Variants in PATL1 observed in about 807,000 individuals in gnomAD.
PATL1 encodes the protein protein PAT1 homolog 1.
In PATL1, 32 loss-of-function variants were observed where a neutral mutation model predicts 100.6. The ratio of observed to expected loss-of-function variants is 0.32; its 90% CI spans 0.24 to 0.43. The LOEUF (loss-of-function observed/expected upper bound fraction) is 0.43, where lower values mean the gene tolerates loss of function less well. PATL1 is among the 20% of genes least tolerant of loss of function. The pLI is 1.00. For missense variants in PATL1, 747 were observed against 949.9 expected (o/e 0.79, Z 2.81); for synonymous variants, 332 against 330.0 (o/e 1.01, Z -0.07).
chr11:59,638,233 C>T lies in PATL1; in HGVS notation c.*157G>A. ...CATAGAGCAGTGGGGAAATATCTGA[C>T]ATTTAGAGAGACAACCCCTGTAAAC... On this transcript the variant is annotated 3_prime_UTR_variant, in exon 19 of 19. Transcript: ENST00000300146. 1.4e-6 allele frequency: 1 copy of T among 717,012 alleles called. No individual in the cohort carries two copies. The highest frequency in any genetic ancestry group is 1.8e-5 in the African/African-American group (1 of 56,288). The allele number at this position is 717,012 out of a possible 1,614,324, so 44.4% of individuals were successfully genotyped here. A position where few individuals can be genotyped will look rare whatever the true frequency, so the allele number is the denominator to read the frequency against.
At position 59,649,557 on chromosome 11, in the gene PATL1, A is replaced by G; in HGVS notation, c.1638T>C (p.Ser546=). The G allele has an allele frequency of 1.9e-6, 3 of 1,613,640 alleles. No individual in the cohort carries two copies. Among genetic ancestry groups the G allele is most frequent in the Non-Finnish European group, 2.5e-6 (3 of 1,179,748 alleles). Residue 546 remains serine (S), a synonymous_variant, in exon 14 of 19, where the codon AGT becomes AGC. Transcript: ENST00000300146. The stretch of plus-strand genomic sequence containing the variant: ...TTAGGGCAGGTCGCTCTTCTTCCAG[A>G]CTTAGGAGATAACGTCTTTCATAGT... ...VEDYERRYLL[S]LEEERPALMD...
intron 5 of PATL1, 31 bp downstream of exon 5, chr11:59,657,499 C>T: frequency 1.3e-6 from 2 of 1,527,930 alleles, no homozygotes; most frequent in Non-Finnish European, 1.8e-6. Context: ...TTCCCAATAT[C>T]CTGGGCTGTG....
chr11:59,668,898 T>C lies in PATL1; in HGVS notation c.-3A>G. 3.2e-6 allele frequency: 3 copies of C among 945,650 alleles called. No individual in the cohort carries two copies. The highest frequency in any genetic ancestry group is 4.4e-6 in the Non-Finnish European group (3 of 684,192). The allele number at this position is 945,650 out of a possible 1,614,324, so 58.6% of individuals were successfully genotyped here. Reference sequence around the variant, plus strand: ...CAGCTCACCTCGTAGCGGAACATTCTTGGGGAGGGGGGCAGGGAGCGGGGA... The same window carrying C: ...CAGCTCACCTCGTAGCGGAACATTCCTGGGGAGGGGGGCAGGGAGCGGGGA... On this transcript the variant is annotated 5_prime_UTR_variant, in exon 1 of 19. Transcript: ENST00000300146.
chr11:59,666,994 C>G (rs1170631385), intron 1 of PATL1, 30 bp from the exon 2 acceptor site: 1 of 1,529,822 alleles, frequency 6.5e-7, no homozygotes. Context: ...ATTAGTTATT[C>G]ATGAAATTCA....
In PATL1 at chr11:59,643,049, A is replaced by G. The variant is rs774426212; in HGVS notation, c.1894-14T>C. Reference sequence around the variant, plus strand: ...GCATGGCAGCACCTACAAAAAACAAATAAAAGCATTATATCCTGGCACGTG... The same window carrying G: ...GCATGGCAGCACCTACAAAAAACAAGTAAAAGCATTATATCCTGGCACGTG... On this transcript the variant is annotated splice_polypyrimidine_tract_variant and intron_variant, in intron 15 of 18. Transcript: ENST00000300146. The G allele has an allele frequency of 1.9e-6, 3 of 1,613,144 alleles. No homozygotes were observed. In the South Asian group the frequency reaches 3.3e-5, roughly 18 times the overall value.
chr11:59,666,812 A>G (rs1311826166), intron 2 of PATL1, 41 bp downstream of exon 2: 2 of 1,534,794 alleles, frequency 1.3e-6, no homozygotes, highest in Admixed American at 4.1e-5. Context: ...TGAAAAGAGC[A>G]GGAGGCTAAG....
intron 4 of PATL1, among the ~76,000 whole-genome samples, chr11:59,658,437 C>T (rs1320641606): frequency 1.3e-5 from 2 of 152,094 alleles, no homozygotes; most frequent in Non-Finnish European, 2.9e-5. Flanking sequence ...ATTCTCCTGC[C>T]TCAGCCTCCT....
chr11:59,668,193 G>A (rs1042654376), intron 1 of PATL1, among the ~76,000 whole-genome samples: 1 of 152,324 alleles, frequency 6.6e-6, no homozygotes, highest in Admixed American at 6.5e-5. Flanking sequence ...AATTCAGAAA[G>A]TTTACGTCCA....
chr11:59,667,064 G>T, intron 1 of PATL1, 100 bp from the exon 2 acceptor site: 10 of 1,435,856 alleles, frequency 7.0e-6, no homozygotes, highest in South Asian at 3.0e-5. Flanking sequence ...GAACATAATT[G>T]CTTCATTATG....
At chr11:59,650,127 G>GAAAAAAAAAAAA (rs755879524) in intron 13 of PATL1, among the ~76,000 whole-genome samples, 2 of 61,624 alleles carry the variant, frequency 3.2e-5, no homozygotes, top group African/African-American at 6.2e-5. Context: ...ATCTCAAAAG[G>GAAAAAAAAAAAA]AAAAAAAAAA....
chr11:59,646,605 C>T (rs1019550924), intron 15 of PATL1, among the ~76,000 whole-genome samples: 1 of 152,138 alleles, frequency 6.6e-6, no homozygotes, highest in South Asian at 2.1e-4. Context: ...AATAATTTCC[C>T]TTTCATAGCA....
rs545829494 is a variant in PATL1, at chr11:59,654,510, A to C, written c.1032-438T>G. On this transcript the variant is annotated intron_variant, in intron 8 of 18. Coordinates refer to ENST00000300146, the MANE Select transcript of PATL1 (RefSeq NM_152716.3). ...ACATTAAAAAAAAAAAAAAAAAAAGAGTCTATTCTAAGGAGACCTTTTAGA... is the reference window on the plus strand; with the variant it reads ...ACATTAAAAAAAAAAAAAAAAAAAGCGTCTATTCTAAGGAGACCTTTTAGA... 3.8e-3 allele frequency among the ~76,000 whole-genome samples: 558 copies of C among 148,298 alleles called. 5 individuals are homozygous for C. Among genetic ancestry groups the C allele is most frequent in the African/African-American group, 0.013 (530 of 40,046 alleles).
At position 59,651,564 on chromosome 11, in the gene PATL1, T is replaced by C. The variant is rs1291411403; in HGVS notation, c.1504A>G (p.Thr502Ala). The C allele has an allele frequency of 1.2e-6, 2 of 1,610,332 alleles. No individual in the cohort carries two copies. Among genetic ancestry groups the C allele is most frequent in the South Asian group, 1.1e-5 (1 of 90,834 alleles). The change falls in exon 12 of 19, where the codon ACA becomes GCA. Residue 502 changes from threonine to alanine, a missense_variant. Coordinates refer to ENST00000300146, the MANE Select transcript of PATL1 (RefSeq NM_152716.3). ...CTTACATCATCCTCACTCCGAGATG[T>C]CACAACAGCATCAATCATTTTTCGG... Reference protein sequence around the residue: ...NPRKMIDAVVTSRSEDDETKE... With the variant: ...NPRKMIDAVVASRSEDDETKE...
chr11:59,653,208 G>A (rs1250910015), intron 9 of PATL1, among the ~76,000 whole-genome samples, 190 bp from the exon 10 acceptor site: 2 of 150,934 alleles, frequency 1.3e-5, no homozygotes, highest in Non-Finnish European at 2.9e-5. Context: ...AAATAATGAA[G>A]AAATAAAACT....
Position 59,659,239 on chromosome 11 carries a change from G to A in PATL1, c.345+13C>T. 1 of 1,549,018 alleles carries A rather than the reference G, an allele frequency of 6.5e-7. No homozygotes were observed. Among genetic ancestry groups the A allele is most frequent in the Non-Finnish European group, 8.7e-7 (1 of 1,144,762 alleles). ...AGTCTGCTATAGTTCTCAAATCACA[G>A]TAACTTACTTACTTGTAAAACTGGC... is the stretch of plus-strand genomic sequence containing the variant. On this transcript the variant is annotated intron_variant, in intron 3 of 18. Coordinates refer to ENST00000300146, the MANE Select transcript of PATL1 (RefSeq NM_152716.3).
At chr11:59,662,410 AT>A (rs1861638640) in intron 2 of PATL1, among the ~76,000 whole-genome samples, 4 of 152,186 alleles carry the variant, frequency 2.6e-5, no homozygotes. Context: ...ACAGAAAAGA[AT>A]TTAAGGTAGC....
At chr11:59,655,439 A>G (rs867429001) in intron 8 of PATL1, 84 bp downstream of exon 8, 10 of 1,223,954 alleles carry the variant, frequency 8.2e-6, no homozygotes, top group Middle Eastern at 2.8e-4. Flanking sequence ...TAGTTAGCAA[A>G]TATCAAGAGA....
At chr11:59,657,014 G>A in intron 5 of PATL1, 1 of 901,728 alleles carries the variant, frequency 1.1e-6, no homozygotes, top group Non-Finnish European at 1.3e-6. Flanking sequence ...GTGATACATT[G>A]TGACTCCACC....
At chr11:59,665,369 C>A (rs987920351) in intron 2 of PATL1, among the ~76,000 whole-genome samples, 12 of 152,186 alleles carry the variant, frequency 7.9e-5, no homozygotes, top group African/African-American at 2.7e-4. Context: ...GTATTTGTTG[C>A]ACAGACAGAA....
Sources: allele counts gnomAD v4.1 joint callset (sites outside exome capture counted in the v4.1 genomes callset), GRCh38; gene constraint gnomAD v4.1.1; transcripts MANE v1.5; gene names NCBI Gene and HGNC (gene_info 2026-07-23, HGNC 2026-07-21).